Variants in MDGA1 observed in about 807,000 individuals in gnomAD.
MDGA1 encodes the protein MAM domain-containing glycosylphosphatidylinositol anchor protein 1.
A neutral mutation model predicts 101.5 loss-of-function variants in MDGA1; 54 were observed. The ratio of observed to expected loss-of-function variants is 0.53; its 90% CI spans 0.43 to 0.67. The LOEUF (loss-of-function observed/expected upper bound fraction) is 0.67. Ranked by LOEUF, MDGA1 falls within the 30% of genes least tolerant of loss-of-function variation. The pLI is 0.00. For missense variants in MDGA1, 1,083 were observed against 1,323.8 expected (o/e 0.82, Z 2.82); for synonymous variants, 533 against 558.3 (o/e 0.95, Z 0.64).
In MDGA1 at chr6:37,658,951, A is replaced by T. The variant is rs895159231; in HGVS notation, c.208-532T>A. 3.6e-5 allele frequency among the ~76,000 whole-genome samples: 5 copies of T among 139,708 alleles called. 1 individual carries two copies. The Admixed American group carries it at 3.7e-4, about 10-fold the overall frequency. 91.7% of individuals were successfully genotyped at this position (139,708 alleles called of 152,430 possible). ...AGGTCACTGCACTCCAGCCTGGGCA[A>T]CGGAGCAAGACTGTTTCAAAAAAAA... On this transcript the variant is annotated intron_variant, in intron 2 of 16. Transcript: ENST00000434837.
intron 2 of MDGA1, 94 bp from the exon 3 acceptor site, chr6:37,658,513 C>T (rs1761548234): frequency 2.5e-5 from 33 of 1,321,558 alleles, no homozygotes; most frequent in Non-Finnish European, 3.3e-5. Context: ...CCCTTTCTCC[C>T]ATACTTTTTC....
At chr6:37,695,792 A>G (rs548897433) in intron 1 of MDGA1, among the ~76,000 whole-genome samples, 5 of 152,346 alleles carry the variant, frequency 3.3e-5, no homozygotes, top group Non-Finnish European at 7.4e-5. Flanking sequence ...TGGACAAACC[A>G]TCCTGCAGTA....
chr6:37,641,597 T>C (rs1344180624), intron 14 of MDGA1: 3 of 152,250 alleles, frequency 2.0e-5, no homozygotes, highest in Non-Finnish European at 4.4e-5. Flanking sequence ...CACTCTTTTT[T>C]TCTTTTTTGA....
At chr6:37,644,452 C>T (rs761400856) in intron 13 of MDGA1, 45 bp downstream of exon 13, 23 of 1,493,088 alleles carry the variant, frequency 1.5e-5, no homozygotes, top group Non-Finnish European at 1.8e-5. Context: ...CCTAGACACC[C>T]CCCTGAAGCA....
chr6:37,697,043 G>A lies in MDGA1; in HGVS notation c.-232C>T, dbSNP rs1762437431. 2.3e-6 allele frequency: 1 copy of A among 432,410 alleles called. No homozygotes were observed. The allele number at this position is 432,410 out of a possible 1,614,324, so 26.8% of individuals were successfully genotyped here. ...ACGCAGGGGGCGCTGGCCCAGCCCCGGGTGCCTCGGCGCGCCCGGCACAGC... is the reference window on the plus strand; with the variant it reads ...ACGCAGGGGGCGCTGGCCCAGCCCCAGGTGCCTCGGCGCGCCCGGCACAGC... On this transcript the variant is annotated 5_prime_UTR_variant, in exon 1 of 17. Coordinates refer to ENST00000434837, the MANE Select transcript of MDGA1 (RefSeq NM_153487.4).
chr6:37,638,425 C>T lies in MDGA1; in HGVS notation c.2667+112G>A, dbSNP rs1219950366. 1 of 1,552,654 alleles carries T rather than the reference C, an allele frequency of 6.4e-7. No homozygotes were observed. The highest frequency in any genetic ancestry group is 2.3e-5 in the East Asian group (1 of 44,356). ...AATCTACCTGGAAGTTCCCCCTAAC[C>T]TGACTCTTTCCATCCTTAGCCCCCA... On this transcript the variant is annotated intron_variant, in intron 15 of 16. Coordinates refer to ENST00000434837, the MANE Select transcript of MDGA1 (RefSeq NM_153487.4). This position sits in a 1 kb window ranked among gnomAD's most constrained non-coding sequence, Gnocchi z 4.8.
intron 4 of MDGA1, 64 bp from the exon 5 acceptor site, chr6:37,654,996 A>G (rs1355741262): frequency 7.6e-6 from 12 of 1,582,074 alleles, no homozygotes; most frequent in African/African-American, 1.3e-5. Flanking sequence ...CCGCATACTC[A>G]TTCACCCAGC....
At chr6:37,650,428 C>A (rs759281935) in intron 7 of MDGA1, 23 bp from the exon 8 acceptor site, 1 of 1,502,128 alleles carries the variant, frequency 6.7e-7, no homozygotes, top group South Asian at 1.3e-5. Flanking sequence ...TGGTGATCAG[C>A]GGAGAGGTAG....
At chr6:37,665,346 T>A (rs562727867) in intron 1 of MDGA1, among the ~76,000 whole-genome samples, 1 of 152,208 alleles carries the variant, frequency 6.6e-6, no homozygotes, top group East Asian at 1.9e-4. Flanking sequence ...ACATCCCTGC[T>A]CTAAAGAGGG....
At position 37,669,938 on chromosome 6, in the gene MDGA1, G is replaced by A. The variant is rs183958675; in HGVS notation, c.68-5832C>T. ...GTGATTTCAGAGTGTTAAATGCTATGATGACTCGAAAACAGGGAGATGTGA... is the reference window on the plus strand; with the variant it reads ...GTGATTTCAGAGTGTTAAATGCTATAATGACTCGAAAACAGGGAGATGTGA... On this transcript the variant is annotated intron_variant, in intron 1 of 16. Coordinates refer to ENST00000434837, the MANE Select transcript of MDGA1 (RefSeq NM_153487.4). 1.1e-3 allele frequency among the ~76,000 whole-genome samples: 168 copies of A among 152,320 alleles called. 1 individual carries two copies. The South Asian group carries it at 0.016, about 15-fold the overall frequency.
At chr6:37,661,939 G>A (rs1761633592) in intron 2 of MDGA1, among the ~76,000 whole-genome samples, 1 of 151,768 alleles carries the variant, frequency 6.6e-6, no homozygotes, top group South Asian at 2.1e-4. Flanking sequence ...AGGATCACTT[G>A]AGCCCAGGAG....
In MDGA1 at chr6:37,696,624, G is replaced by T; in HGVS notation, c.67+121C>A. On this transcript the variant is annotated intron_variant, in intron 1 of 16. Transcript: ENST00000434837. The surrounding 1 kb of genome is among the most constrained non-coding windows in gnomAD (Gnocchi z 5.6). Reference sequence around the variant, plus strand: ...CGCGCCCTGGAGAGGGCGGGGACGCGGGCATCCACTCCAGAGTCCGAGTCG... The same window carrying T: ...CGCGCCCTGGAGAGGGCGGGGACGCTGGCATCCACTCCAGAGTCCGAGTCG... The T allele has an allele frequency of 1.1e-6, 1 of 927,604 alleles. No individual in the cohort carries two copies. Among genetic ancestry groups the T allele is most frequent in the Non-Finnish European group, 1.7e-6 (1 of 591,242 alleles). 57.5% of individuals were successfully genotyped at this position (927,604 alleles called of 1,614,324 possible). A position where few individuals can be genotyped will look rare whatever the true frequency, so the allele number is the denominator to read the frequency against.
In MDGA1 at chr6:37,638,046, G is replaced by A. The variant is rs147414276; in HGVS notation, c.2776+159C>T. 7.5e-6 allele frequency: 5 copies of A among 668,550 alleles called. No individual in the cohort carries two copies. Among genetic ancestry groups the A allele is most frequent in the Admixed American group, 4.6e-5 (2 of 43,648 alleles). The allele number at this position is 668,550 out of a possible 1,614,324, so 41.4% of individuals were successfully genotyped here. A position where few individuals can be genotyped will look rare whatever the true frequency, so the allele number is the denominator to read the frequency against. ...ACACAAGTACACAGCCTGAGTGAGT[G>A]TGGGGCACACCTTCACACAGTCAGA... On this transcript the variant is annotated intron_variant, in intron 16 of 16. Transcript: ENST00000434837. The surrounding 1 kb of genome is among the most constrained non-coding windows in gnomAD (Gnocchi z 4.8).
At chr6:37,657,108 CATT>C (rs1448537722) in intron 3 of MDGA1, among the ~76,000 whole-genome samples, 1 of 152,090 alleles carries the variant, frequency 6.6e-6, no homozygotes, top group Non-Finnish European at 1.5e-5. Flanking sequence ...TGTAAAAAAT[CATT>C]AACCTTTGCA....
At chr6:37,665,212 A>AGTGCTT (rs1306324160) in intron 1 of MDGA1, among the ~76,000 whole-genome samples, 3 of 152,148 alleles carry the variant, frequency 2.0e-5, no homozygotes, top group African/African-American at 7.2e-5. Context: ...CCAGCCCCCC[A>AGTGCTT]GTGCTTAAAC....
In MDGA1 at chr6:37,654,271, T is replaced by C. The variant is rs990649730; in HGVS notation, c.982+3A>G. 1 of 1,538,390 alleles carries C rather than the reference T, an allele frequency of 6.5e-7. No homozygotes were observed. The highest frequency in any genetic ancestry group is 2.3e-5 in the East Asian group (1 of 44,202). ...CCCTCCCACCCCTTCTGAGGCCACG[T>C]ACATCGCACCAGCAGGTTGACAGTC... On this transcript the variant is annotated splice_donor_region_variant and intron_variant, in intron 6 of 16. Transcript: ENST00000434837.
chr6:37,637,048 G>A lies in MDGA1; in HGVS notation c.*320C>T, dbSNP rs1763943605. On this transcript the variant is annotated 3_prime_UTR_variant, in exon 17 of 17. Coordinates refer to ENST00000434837, the MANE Select transcript of MDGA1 (RefSeq NM_153487.4). Reference sequence around the variant, plus strand: ...ATGTTGCGCCGAGGTCCCTGGGTTGGCGGATGCCATTCAGGCAAGTCCCCT... The same window carrying A: ...ATGTTGCGCCGAGGTCCCTGGGTTGACGGATGCCATTCAGGCAAGTCCCCT... 1 of 246,336 alleles carries A rather than the reference G, an allele frequency of 4.1e-6. No individual in the cohort carries two copies. Among genetic ancestry groups the A allele is most frequent in the South Asian group, 1.0e-4 (1 of 9,572 alleles). The allele number at this position is 246,336 out of a possible 1,614,324, so 15.3% of individuals were successfully genotyped here.
At chr6:37,664,842 G>GACAGACACACACAC (rs1215330966) in intron 1 of MDGA1, among the ~76,000 whole-genome samples, 15 of 55,258 alleles carry the variant, frequency 2.7e-4, no homozygotes, top group African/African-American at 9.3e-4. Flanking sequence ...CCTAACCTAA[G>GACAGACACACACAC]ACACACACAC....
Position 37,696,329 on chromosome 6 carries a change from G to GC in MDGA1, c.67+415dup, listed in dbSNP as rs1762418072. Among the ~76,000 whole-genome samples the GC allele has an allele frequency of 6.6e-6, 1 of 152,134 alleles. No homozygotes were observed. Among genetic ancestry groups the GC allele is most frequent in the African/African-American group, 2.4e-5 (1 of 41,450 alleles). Reference sequence around the variant, plus strand: ...CGGCCTTGGTGCTGACAGCCGGCTCGCCCGCAAGCCGCGCGGCAACTCCGG... The same window carrying GC: ...CGGCCTTGGTGCTGACAGCCGGCTCGCCCCGCAAGCCGCGCGGCAACTCCGG... On this transcript the variant is annotated intron_variant, in intron 1 of 16. Coordinates refer to ENST00000434837, the MANE Select transcript of MDGA1 (RefSeq NM_153487.4). The surrounding 1 kb of genome is among the most constrained non-coding windows in gnomAD (Gnocchi z 5.6).
Sources: gnomAD v4.1 joint callset for allele counts (sites outside exome capture counted in the v4.1 genomes callset) on GRCh38, gnomAD v4.1.1 for gene constraint, Gnocchi (gnomAD v3.1) non-coding constraint, MANE v1.5 for transcripts, NCBI Gene and HGNC (gene_info 2026-07-23, HGNC 2026-07-21) for gene names.